ARSB: variants seen among roughly 807,000 people sequenced by gnomAD.
ARSB encodes the protein N-acetylgalactosamine-4-sulfatase.
A neutral mutation model predicts 50.9 loss-of-function variants in ARSB; 41 were observed. The ratio of observed to expected loss-of-function variants is 0.81; its 90% CI spans 0.63 to 1.04. The LOEUF is 1.04. Among genes scored for constraint, ARSB ranks in the 50% least tolerant of loss-of-function variants. ARSB has a pLI of 0.00. For synonymous variants in ARSB, 269 were observed against 284.8 expected, an observed-to-expected ratio of 0.94 and a Z score of 0.56; for missense variants, 672 against 693.3, an observed-to-expected ratio of 0.97 and a Z score of 0.35.
At chr5:78,890,067 C>T (rs1748216005) in intron 4 of ARSB, among the ~76,000 whole-genome samples, 1 of 152,098 alleles carries the variant, frequency 6.6e-6, no homozygotes, top group Admixed American at 6.5e-5. Flanking sequence ...AGAAAAGTAT[C>T]TGCTTGTTGA....
At chr5:78,900,920 TGCCAGCTACTTGGGAGGCTGAG>T (rs759844344) in intron 4 of ARSB, among the ~76,000 whole-genome samples, 26 of 151,944 alleles carry the variant, frequency 1.7e-4, no homozygotes, top group Admixed American at 1.3e-4. Context: ...GCGCCTGTAG[TGCCAGCTACTTGGGAGGCTGAG>T]GCAGGAGAAT....
At chr5:78,984,559 C>A (rs55814625) in intron 1 of ARSB, among the ~76,000 whole-genome samples, 22,215 of 152,244 alleles carry the variant, frequency 0.15, 1,772 homozygotes, top group South Asian at 0.2. Context: ...CCTCTCCCCT[C>A]GTCTTTGCTC....
intron 4 of ARSB, among the ~76,000 whole-genome samples, chr5:78,901,592 C>T (rs538894065): frequency 3.1e-5 from 4 of 127,842 alleles, no homozygotes; most frequent in East Asian, 2.3e-4. Context: ...CTGATATCTA[C>T]GTTAAAAAAA....
intron 6 of ARSB, among the ~76,000 whole-genome samples, chr5:78,813,789 C>T (rs937074862): frequency 6.6e-6 from 1 of 152,044 alleles, no homozygotes; most frequent in Non-Finnish European, 1.5e-5. Context: ...ATTTGTACTC[C>T]AGATAATAGA....
chr5:78,878,281 G>C (rs1243357734), intron 5 of ARSB, among the ~76,000 whole-genome samples: 8 of 152,018 alleles, frequency 5.3e-5, no homozygotes, highest in Admixed American at 5.2e-4. Context: ...AAAAGTGAGA[G>C]TTGTCAAGAA....
chr5:78,866,110 AT>A (rs1746711560), intron 5 of ARSB, among the ~76,000 whole-genome samples: 1 of 152,086 alleles, frequency 6.6e-6, no homozygotes, highest in Non-Finnish European at 1.5e-5. Context: ...TACTGGGCCA[AT>A]TTACTGTATT....
chr5:78,888,563 T>A (rs969590125), intron 4 of ARSB, among the ~76,000 whole-genome samples: 3 of 152,240 alleles, frequency 2.0e-5, no homozygotes, highest in African/African-American at 7.2e-5. Context: ...GATACACTTC[T>A]CTGAGGTATT....
chr5:78,874,418 C>T (rs1266943863), intron 5 of ARSB, among the ~76,000 whole-genome samples: 1 of 152,042 alleles, frequency 6.6e-6, no homozygotes, highest in Admixed American at 6.6e-5. Flanking sequence ...ACATAAGTTG[C>T]TTGATTTCCT....
chr5:78,854,180 C>G (rs1292599815), intron 5 of ARSB, among the ~76,000 whole-genome samples: 1 of 152,264 alleles, frequency 6.6e-6, no homozygotes, highest in Non-Finnish European at 1.5e-5. Flanking sequence ...TAGACCGGAG[C>G]TGTTCCTATT....
At chr5:78,845,015 T>C (rs11958663) in intron 5 of ARSB, among the ~76,000 whole-genome samples, 3,733 of 152,184 alleles carry the variant, frequency 0.025, 146 homozygotes, top group African/African-American at 0.084. Flanking sequence ...ATCCATTAAC[T>C]AACCTTTGGC....
intron 5 of ARSB, among the ~76,000 whole-genome samples, chr5:78,866,330 T>C (rs944539458): frequency 2.0e-5 from 3 of 152,114 alleles, no homozygotes; most frequent in African/African-American, 7.2e-5. Context: ...TACCATCAGA[T>C]CTTGTGAGCC....
At chr5:78,910,487 A>G (rs945073266) in intron 4 of ARSB, among the ~76,000 whole-genome samples, 1 of 152,230 alleles carries the variant, frequency 6.6e-6, no homozygotes, top group African/African-American at 2.4e-5. Context: ...TCATTGAAAT[A>G]GCATTGATTA....
chr5:78,811,130 C>G (rs1336260947), intron 6 of ARSB, among the ~76,000 whole-genome samples: 2 of 152,208 alleles, frequency 1.3e-5, no homozygotes, highest in Non-Finnish European at 2.9e-5. Flanking sequence ...GCCATCCTAT[C>G]ATCATGTTAG....
chr5:78,852,573 T>C (rs961762947), intron 5 of ARSB, among the ~76,000 whole-genome samples: 6 of 152,074 alleles, frequency 3.9e-5, no homozygotes, highest in African/African-American at 4.8e-5. Flanking sequence ...TTGTGGCATT[T>C]TCTGTATTTC....
intron 5 of ARSB, among the ~76,000 whole-genome samples, chr5:78,855,761 C>T (rs889868994): frequency 6.6e-5 from 10 of 152,226 alleles, no homozygotes; most frequent in South Asian, 2.1e-4. Flanking sequence ...TAGGTATCCA[C>T]GGTGTTGATG....
chr5:78,935,922 C>G lies in ARSB; in HGVS notation c.898+19373G>C, dbSNP rs145625233. On this transcript the variant is annotated intron_variant, in intron 4 of 7. Coordinates refer to ENST00000264914, the MANE Select transcript of ARSB (RefSeq NM_000046.5). Reference sequence around the variant, plus strand: ...TGGGTATTTTTCGTTCTCTCTCCTCCCCTCTCCTCCACTCCCCTCCCCTCC... The same window carrying G: ...TGGGTATTTTTCGTTCTCTCTCCTCGCCTCTCCTCCACTCCCCTCCCCTCC... Among the ~76,000 whole-genome samples, 1,287 of 132,318 alleles carry G rather than the reference C, an allele frequency of 9.7e-3. 31 individuals are homozygous for G. The highest frequency in any genetic ancestry group is 0.033 in the African/African-American group (1,189 of 36,040). 86.8% of individuals were successfully genotyped at this position (132,318 alleles called of 152,430 possible).
chr5:78,830,289 G>A (rs939467434), intron 6 of ARSB, among the ~76,000 whole-genome samples: 6 of 152,298 alleles, frequency 3.9e-5, no homozygotes, highest in East Asian at 1.9e-4. Flanking sequence ...CACTAACCAC[G>A]TGGTGCTGTA....
chr5:78,904,170 CAA>C (rs1748930113), intron 4 of ARSB, among the ~76,000 whole-genome samples: 1 of 152,188 alleles, frequency 6.6e-6, no homozygotes, highest in Non-Finnish European at 1.5e-5. Context: ...ATGTGTGTAT[CAA>C]CAGTTCATTA....
intron 4 of ARSB, among the ~76,000 whole-genome samples, chr5:78,951,038 T>C (rs911712021): frequency 6.6e-6 from 1 of 152,038 alleles, no homozygotes; most frequent in East Asian, 1.9e-4. Flanking sequence ...CTCAAGTAGA[T>C]CTGGGTTTGA....
Sources: gnomAD v4.1 joint callset for allele counts (sites outside exome capture counted in the v4.1 genomes callset) on GRCh38, gnomAD v4.1.1 for gene constraint, MANE v1.5 for transcripts, NCBI Gene and HGNC (gene_info 2026-07-23, HGNC 2026-07-21) for gene names.